SOX6: variants seen among roughly 807,000 people sequenced by gnomAD.
The protein encoded by SOX6 is SRY-box transcription factor 6.
In SOX6, 11 loss-of-function variants were observed where a neutral mutation model predicts 97.8. The observed-to-expected ratio is 0.11, with a 90% CI of 0.07 to 0.19. The LOEUF (loss-of-function observed/expected upper bound fraction) is 0.19, where lower values mean the gene tolerates loss of function less well. Among genes scored for constraint, SOX6 ranks in the 10% least tolerant of loss-of-function variants. The pLI is 1.00. For missense variants in SOX6, 810 were observed against 1,039.5 expected, an observed-to-expected ratio of 0.78 and a Z score of 3.04; for synonymous variants, 360 against 371.4, an observed-to-expected ratio of 0.97 and a Z score of 0.35.
chr11:16,366,186 TG>T (rs1857354892), intron 1 of SOX6, among the ~76,000 whole-genome samples: 1 of 152,186 alleles, frequency 6.6e-6, no homozygotes, highest in South Asian at 2.1e-4. Flanking sequence ...TTGTTCAGAA[TG>T]TCCTTTGGGA....
At chr11:16,031,862 C>T (rs1174513546) in intron 12 of SOX6, among the ~76,000 whole-genome samples, 1 of 151,986 alleles carries the variant, frequency 6.6e-6, no homozygotes, top group Non-Finnish European at 1.5e-5. Context: ...GAGGCAGAGA[C>T]AAAGAAGTGT....
chr11:16,537,484 T>C (rs1373390488), intron 4 of SOX6, among the ~76,000 whole-genome samples: 1 of 152,160 alleles, frequency 6.6e-6, no homozygotes, highest in Non-Finnish European at 1.5e-5. Flanking sequence ...TTTGAAGAGT[T>C]GACAGAAGTA....
intron 2 of SOX6, among the ~76,000 whole-genome samples, chr11:16,721,863 A>C (rs528001435): frequency 6.6e-6 from 1 of 151,822 alleles, no homozygotes; most frequent in Non-Finnish European, 1.5e-5. Context: ...ATGGAACAGA[A>C]TAGAGCCCAG....
chr11:16,248,544 G>A (rs184226753), intron 3 of SOX6, among the ~76,000 whole-genome samples: 26 of 152,266 alleles, frequency 1.7e-4, no homozygotes, highest in Non-Finnish European at 3.2e-4. Flanking sequence ...CCTACCCCTC[G>A]TGAAAGTTGC....
chr11:16,068,000 G>C (rs1014095026), intron 9 of SOX6, among the ~76,000 whole-genome samples: 10 of 152,110 alleles, frequency 6.6e-5, no homozygotes, highest in African/African-American at 2.4e-4. Context: ...AAATATCGGG[G>C]AACCCCAGGC....
At chr11:16,166,840 A>T (rs1035853920) in intron 6 of SOX6, among the ~76,000 whole-genome samples, 2 of 152,158 alleles carry the variant, frequency 1.3e-5, no homozygotes, top group Non-Finnish European at 2.9e-5. Context: ...TGATTTGGAG[A>T]TGTGAAAGTA....
At chr11:16,155,222 A>AAGAGAGGC (rs1320550693) in intron 6 of SOX6, among the ~76,000 whole-genome samples, 15 of 152,262 alleles carry the variant, frequency 9.9e-5, no homozygotes, top group Admixed American at 7.9e-4. Context: ...TTCTCATAGA[A>AAGAGAGGC]AGAGAGGCAG....
intron 13 of SOX6, among the ~76,000 whole-genome samples, chr11:15,999,125 A>G (rs1854323001): frequency 6.6e-6 from 1 of 152,150 alleles, no homozygotes; most frequent in Admixed American, 6.5e-5. Flanking sequence ...GGATATAGTT[A>G]TGGCCAATAA....
In SOX6 at chr11:16,432,943, C is replaced by T. The variant is rs568475666; in HGVS notation, c.-5+43372G>A. Reference sequence around the variant, plus strand: ...ATATTAAAACCATTTATTCAATGGGCATTCTGTGGGGGCTTGCTGTACAGC... The same window carrying T: ...ATATTAAAACCATTTATTCAATGGGTATTCTGTGGGGGCTTGCTGTACAGC... On this transcript the variant is annotated intron_variant, in intron 1 of 15. Transcript: ENST00000396356. Among the ~76,000 whole-genome samples the T allele has an allele frequency of 2.6e-5, 4 of 152,094 alleles. No individual in the cohort carries two copies. The East Asian group carries it at 7.7e-4, about 29-fold the overall frequency.
chr11:16,464,807 T>A (rs1408406434), intron 1 of SOX6, among the ~76,000 whole-genome samples: 2 of 152,254 alleles, frequency 1.3e-5, no homozygotes, highest in East Asian at 3.9e-4. Flanking sequence ...TTTTACCAAG[T>A]AGGCACACAT....
At chr11:16,250,215 G>A (rs1853467317) in intron 3 of SOX6, among the ~76,000 whole-genome samples, 1 of 152,092 alleles carries the variant, frequency 6.6e-6, no homozygotes, top group Non-Finnish European at 1.5e-5. Context: ...GATCTATACT[G>A]TGCTCTCCTT....
chr11:16,186,646 T>G (rs923559990), intron 5 of SOX6, 137 bp downstream of exon 5: 2 of 1,154,522 alleles, frequency 1.7e-6, no homozygotes, highest in African/African-American at 4.1e-5. Flanking sequence ...AAGGCTTTGT[T>G]TTTTTTTTCC....
intron 1 of SOX6, among the ~76,000 whole-genome samples, chr11:16,464,059 G>C (rs933054058): frequency 1.3e-5 from 2 of 152,136 alleles, no homozygotes; most frequent in Non-Finnish European, 2.9e-5. Context: ...CTCACTGTAA[G>C]AGATCTTTCT....
intron 6 of SOX6, among the ~76,000 whole-genome samples, chr11:16,128,152 C>A (rs906087468): frequency 7.9e-5 from 12 of 152,108 alleles, no homozygotes; most frequent in Non-Finnish European, 5.9e-5. Flanking sequence ...AAGTTGAGAG[C>A]AAATACTATA....
At chr11:16,141,559 G>A (rs968840993) in intron 6 of SOX6, among the ~76,000 whole-genome samples, 5 of 152,132 alleles carry the variant, frequency 3.3e-5, no homozygotes, top group Non-Finnish European at 7.3e-5. Flanking sequence ...GCCAAAGCAT[G>A]GCAAGGCATC....
At chr11:16,668,547 CCTTA>C (rs1847824501) in intron 3 of SOX6, among the ~76,000 whole-genome samples, 1 of 151,956 alleles carries the variant, frequency 6.6e-6, no homozygotes, top group African/African-American at 2.4e-5. Context: ...AGGAGTAGGC[CCTTA>C]CTTATCAATA....
chr11:15,974,357 G>T (rs11023805), intron 15 of SOX6, among the ~76,000 whole-genome samples: 2,990 of 57,586 alleles, frequency 0.052, 88 homozygotes, highest in African/African-American at 0.16. Context: ...TCTTTTTTTT[G>T]TTTTTTTCTG....
At chr11:16,278,995 G>A (rs547409052) in intron 3 of SOX6, among the ~76,000 whole-genome samples, 1 of 152,220 alleles carries the variant, frequency 6.6e-6, no homozygotes, top group Non-Finnish European at 1.5e-5. Flanking sequence ...AATGTGAAAT[G>A]AGCAAAAACA....
At chr11:16,177,676 G>A (rs1286638958) in intron 6 of SOX6, among the ~76,000 whole-genome samples, 3 of 134,720 alleles carry the variant, frequency 2.2e-5, no homozygotes, top group Non-Finnish European at 3.2e-5. Flanking sequence ...TCTGATTTTA[G>A]TACATACTAG....
Sources: allele counts gnomAD v4.1 joint callset (sites outside exome capture counted in the v4.1 genomes callset), GRCh38; gene constraint gnomAD v4.1.1; transcripts MANE v1.5; gene names NCBI Gene and HGNC (gene_info 2026-07-23, HGNC 2026-07-21).